Variants in PDLIM5 observed in about 807,000 individuals in gnomAD.
PDLIM5 encodes PDZ and LIM domain protein 5.
Under a neutral mutation model 64.2 loss-of-function variants are expected in PDLIM5, and 34 were observed. That is an observed-to-expected ratio of 0.53 (90% CI 0.40 to 0.71). The LOEUF (loss-of-function observed/expected upper bound fraction) is 0.71. Among genes scored for constraint, PDLIM5 ranks in the 30% least tolerant of loss-of-function variants. The probability of loss-of-function intolerance (pLI) is 0.00; values close to 1 mark genes in which losing one functional copy is unlikely to be tolerated. For missense variants in PDLIM5, 683 were observed against 733.6 expected (o/e 0.93, Z 0.80); for synonymous variants, 253 against 269.1 (o/e 0.94, Z 0.59).
intron 8 of PDLIM5, among the ~76,000 whole-genome samples, chr4:94,637,080 A>G (rs1740633230): frequency 6.6e-6 from 1 of 152,124 alleles, no homozygotes; most frequent in Non-Finnish European, 1.5e-5. Context: ...GGCATGTTCA[A>G]GGGATAGTGA....
At chr4:94,658,867 A>T (rs571477218) in intron 11 of PDLIM5, among the ~76,000 whole-genome samples, 2 of 151,944 alleles carry the variant, frequency 1.3e-5, no homozygotes, top group African/African-American at 4.8e-5. Context: ...ATTCCACTTA[A>T]TTTTTCTGAA....
intron 2 of PDLIM5, among the ~76,000 whole-genome samples, chr4:94,500,601 T>C (rs1366537403): frequency 2.6e-5 from 4 of 152,138 alleles, no homozygotes; most frequent in African/African-American, 9.7e-5. Context: ...ATAAAAGAAG[T>C]GATAGCAACT....
intron 3 of PDLIM5, among the ~76,000 whole-genome samples, chr4:94,529,754 T>G (rs959760209): frequency 7.2e-5 from 11 of 152,166 alleles, no homozygotes; most frequent in Non-Finnish European, 1.6e-4. Flanking sequence ...TTGAAAAAAT[T>G]GGAAAAAACA....
chr4:94,478,388 A>G (rs1259722334), intron 2 of PDLIM5, among the ~76,000 whole-genome samples: 1 of 152,106 alleles, frequency 6.6e-6, no homozygotes, highest in Admixed American at 6.6e-5. Flanking sequence ...TAGGGAGTCA[A>G]AAGTTATACA....
At chr4:94,563,958 C>CTTTTTTTTTTTTTTTTTTTTTTTTTT (rs796820308) in intron 3 of PDLIM5, among the ~76,000 whole-genome samples, 2 of 119,360 alleles carry the variant, frequency 1.7e-5, no homozygotes, top group African/African-American at 3.2e-5. Flanking sequence ...TTCTTTCTTT[C>CTTTTTTTTTTTTTTTTTTTTTTTTTT]TTTTTTTTTT....
At chr4:94,586,160 T>A (rs1270562550) in intron 6 of PDLIM5, among the ~76,000 whole-genome samples, 1 of 151,748 alleles carries the variant, frequency 6.6e-6, no homozygotes, top group South Asian at 2.1e-4. Context: ...ATGGAGGGGC[T>A]CTGTCTCAAA....
intron 2 of PDLIM5, among the ~76,000 whole-genome samples, chr4:94,510,631 G>A (rs977497035): frequency 1.3e-5 from 2 of 152,072 alleles, no homozygotes; most frequent in Admixed American, 6.5e-5. Flanking sequence ...CAATGATCTC[G>A]TCTTTTTCAT....
At chr4:94,473,055 T>G (rs1448373718) in intron 2 of PDLIM5, among the ~76,000 whole-genome samples, 1 of 151,088 alleles carries the variant, frequency 6.6e-6, no homozygotes, top group East Asian at 2.0e-4. Context: ...GCATGGGGCT[T>G]ACATAATTTG....
chr4:94,527,147 C>T lies in PDLIM5; in HGVS notation c.248+3272C>T, dbSNP rs549126657. Among the ~76,000 whole-genome samples, 440 of 149,732 alleles carry T rather than the reference C, an allele frequency of 2.9e-3. 1 individual carries two copies. The highest frequency in any genetic ancestry group is 4.7e-3 in the Non-Finnish European group (319 of 67,616). On this transcript the variant is annotated intron_variant, in intron 3 of 12. Transcript: ENST00000317968. Reference sequence around the variant, plus strand: ...TCTCAGCTCACTGCACCCTCCACGTCCCAGGTTCAAGCAATTCTCCTGCCT... The same window carrying T: ...TCTCAGCTCACTGCACCCTCCACGTTCCAGGTTCAAGCAATTCTCCTGCCT...
At chr4:94,611,190 A>G (rs761309331) in intron 7 of PDLIM5, 5 of 1,534,828 alleles carry the variant, frequency 3.3e-6, no homozygotes, top group South Asian at 1.2e-5. Flanking sequence ...TATCCATGTT[A>G]AGAAAACAAG....
At chr4:94,558,464 AC>A (rs1733553636) in intron 3 of PDLIM5, among the ~76,000 whole-genome samples, 1 of 152,192 alleles carries the variant, frequency 6.6e-6, no homozygotes, top group African/African-American at 2.4e-5. Flanking sequence ...ATAGTAGTCA[AC>A]CTATTCTTGC....
intron 4 of PDLIM5, 112 bp downstream of exon 4, chr4:94,573,505 T>A (rs902165388): frequency 5.5e-6 from 5 of 911,766 alleles, no homozygotes; most frequent in Non-Finnish European, 7.4e-6. Context: ...ATAGTCTCAG[T>A]ACAATTTTCC....
At chr4:94,659,764 G>A (rs972171669) in intron 11 of PDLIM5, among the ~76,000 whole-genome samples, 5 of 151,450 alleles carry the variant, frequency 3.3e-5, no homozygotes, top group East Asian at 2.0e-4. Flanking sequence ...TCCTGACCTC[G>A]TGATCCGTCC....
chr4:94,598,488 T>C (rs78933726), intron 7 of PDLIM5, among the ~76,000 whole-genome samples: 1,847 of 152,254 alleles, frequency 0.012, 38 homozygotes, highest in African/African-American at 0.042. Flanking sequence ...TAATCTGGGC[T>C]GGTTCTTTGA....
Position 94,524,372 on chromosome 4 carries a change from A to G in PDLIM5, c.248+497A>G, listed in dbSNP as rs1230865889. ...TGACAGAACGAGACCCTGTCTCAAA[A>G]AAAAAAAAAAAAAAAAAAAAAATTG... On this transcript the variant is annotated intron_variant, in intron 3 of 12. Transcript: ENST00000317968. Among the ~76,000 whole-genome samples the G allele has an allele frequency of 1.3e-4, 10 of 79,946 alleles. No homozygotes were observed. The African/African-American group carries it at 2.0e-3, about 16-fold the overall frequency. 52.4% of individuals were successfully genotyped at this position (79,946 alleles called of 152,430 possible).
chr4:94,527,912 G>A (rs998219092), intron 3 of PDLIM5, among the ~76,000 whole-genome samples: 5 of 152,192 alleles, frequency 3.3e-5, no homozygotes, highest in African/African-American at 1.2e-4. Context: ...AGAAGCAATG[G>A]AAGAAACACC....
chr4:94,583,280 C>T (rs1309827272), intron 5 of PDLIM5, among the ~76,000 whole-genome samples: 1 of 152,006 alleles, frequency 6.6e-6, no homozygotes, highest in African/African-American at 2.4e-5. Flanking sequence ...GGGTAGTGTA[C>T]TTTTTACAAG....
intron 9 of PDLIM5, among the ~76,000 whole-genome samples, chr4:94,653,180 G>A (rs1429241592): frequency 6.6e-6 from 1 of 151,900 alleles, no homozygotes; most frequent in Non-Finnish European, 1.5e-5. Flanking sequence ...TGACTAGAGC[G>A]GCATACTAGA....
intron 8 of PDLIM5, among the ~76,000 whole-genome samples, chr4:94,634,357 G>C (rs1740392547): frequency 6.6e-6 from 1 of 152,114 alleles, no homozygotes; most frequent in Non-Finnish European, 1.5e-5. Flanking sequence ...ACCATGAGCA[G>C]TTCATCTTCC....
Sources: gnomAD v4.1 joint callset for allele counts (sites outside exome capture counted in the v4.1 genomes callset) on GRCh38, gnomAD v4.1.1 for gene constraint, MANE v1.5 for transcripts, NCBI Gene and HGNC (gene_info 2026-07-23, HGNC 2026-07-21) for gene names.